Variants in NCOA1 observed in about 807,000 individuals in gnomAD.
The protein encoded by NCOA1 is Hin-2 protein.
A neutral mutation model predicts 150.9 loss-of-function variants in NCOA1; 35 were observed. The ratio of observed to expected loss-of-function variants is 0.23; its 90% CI spans 0.18 to 0.31. NCOA1 has a LOEUF of 0.31. NCOA1 is among the 10% of genes least tolerant of loss of function. NCOA1 has a pLI of 1.00. For synonymous variants in NCOA1, 590 were observed against 630.0 expected, an observed-to-expected ratio of 0.94 and a Z score of 0.95; for missense variants, 1,491 against 1,749.3, an observed-to-expected ratio of 0.85 and a Z score of 2.63.
intron 3 of NCOA1, among the ~76,000 whole-genome samples, chr2:24,623,878 A>G (rs1033926473): frequency 2.0e-5 from 3 of 152,122 alleles, no homozygotes; most frequent in Non-Finnish European, 1.5e-5. Context: ...TTACCTCCTT[A>G]CTAGCCCTGT....
At chr2:24,548,381 G>T (rs1001078503) in intron 1 of NCOA1, among the ~76,000 whole-genome samples, 1 of 152,218 alleles carries the variant, frequency 6.6e-6, no homozygotes, top group Non-Finnish European at 1.5e-5. Flanking sequence ...CTCCTACCAG[G>T]TCTTTCCCAC....
chr2:24,576,157 T>TTG (rs1489890630), intron 2 of NCOA1, among the ~76,000 whole-genome samples: 49 of 94,368 alleles, frequency 5.2e-4, no homozygotes, highest in East Asian at 1.1e-3. Context: ...TTGTTTTTTT[T>TTG]TTTTTGTTTT....
At chr2:24,739,907 T>C (rs763577708) in intron 18 of NCOA1, among the ~76,000 whole-genome samples, 1 of 152,174 alleles carries the variant, frequency 6.6e-6, no homozygotes, top group East Asian at 1.9e-4. Flanking sequence ...GTCTTAACTA[T>C]CTTGTGTACT....
intron 1 of NCOA1, among the ~76,000 whole-genome samples, chr2:24,545,959 T>G (rs1398690043): frequency 1.3e-5 from 2 of 152,134 alleles, no homozygotes; most frequent in African/African-American, 2.4e-5. Flanking sequence ...TCATCTAATT[T>G]TTGTATTTTA....
At chr2:24,625,351 C>T (rs1006390500) in intron 3 of NCOA1, among the ~76,000 whole-genome samples, 3 of 111,678 alleles carry the variant, frequency 2.7e-5, no homozygotes, top group African/African-American at 1.0e-4. Context: ...GGTGACACAG[C>T]GAGACTCTGC....
At chr2:24,753,417 G>A (rs548636516) in intron 20 of NCOA1, among the ~76,000 whole-genome samples, 1 of 150,192 alleles carries the variant, frequency 6.7e-6, no homozygotes, top group Non-Finnish European at 1.5e-5. Context: ...CTATTTCTCT[G>A]CTCCCCTTTA....
intron 5 of NCOA1, among the ~76,000 whole-genome samples, chr2:24,664,697 A>G (rs1305785471): frequency 6.6e-6 from 1 of 151,898 alleles, no homozygotes. Flanking sequence ...TCACAGCAAG[A>G]TTCCATCTCA....
intron 3 of NCOA1, among the ~76,000 whole-genome samples, chr2:24,601,433 T>C (rs939386032): frequency 3.9e-5 from 6 of 152,170 alleles, no homozygotes; most frequent in African/African-American, 1.2e-4. Flanking sequence ...CAAGCTGGTC[T>C]CGAACTCCTG....
chr2:24,621,163 T>C (rs905517272), intron 3 of NCOA1, among the ~76,000 whole-genome samples: 1 of 152,018 alleles, frequency 6.6e-6, no homozygotes, highest in Non-Finnish European at 1.5e-5. Flanking sequence ...GGGGAGGAGT[T>C]CCCTTATTCA....
rs745731491 is a variant in NCOA1 at position 24,741,986 on chromosome 2, A to G, written c.3506A>G (p.Tyr1169Cys). The change falls in exon 19 of 23, where the codon TAT becomes TGT. Residue 1169 changes from tyrosine to cysteine, a missense_variant. Transcript: ENST00000348332. ...CAGGGTGCTCCACAGCAATTCCCCTATCCACCAAACTATGGTACAAATCCA... is the reference window on the plus strand; with the variant it reads ...CAGGGTGCTCCACAGCAATTCCCCTGTCCACCAAACTATGGTACAAATCCA... ...LPQGAPQQFP[Y>C]PPNYGTNPGT... is the part of the protein sequence containing the mutation. The G allele has an allele frequency of 8.1e-6, 13 of 1,614,254 alleles. No homozygotes were observed. In the South Asian group the frequency reaches 1.2e-4, roughly 15 times the overall value.
intron 22 of NCOA1, 23 bp downstream of exon 22, chr2:24,762,799 C>T: frequency 1.3e-6 from 2 of 1,592,926 alleles, no homozygotes; most frequent in South Asian, 2.2e-5. Flanking sequence ...ATTCTAAGCC[C>T]AGAGCTGTCA....
At chr2:24,685,565 G>A (rs1023429086) in intron 8 of NCOA1, among the ~76,000 whole-genome samples, 4 of 152,178 alleles carry the variant, frequency 2.6e-5, no homozygotes, top group Non-Finnish European at 5.9e-5. Flanking sequence ...ATGGAGACAC[G>A]ATAGTGCTTA....
intron 18 of NCOA1, among the ~76,000 whole-genome samples, chr2:24,740,231 AC>A (rs1227836998): frequency 6.6e-6 from 1 of 152,216 alleles, no homozygotes; most frequent in African/African-American, 2.4e-5. Flanking sequence ...TAAAGCCAGC[AC>A]CTGTATTATT....
At chr2:24,697,245 T>C (rs1672948529) in intron 10 of NCOA1, among the ~76,000 whole-genome samples, 1 of 152,222 alleles carries the variant, frequency 6.6e-6, no homozygotes, top group Admixed American at 6.5e-5. Flanking sequence ...TTTTCTCATA[T>C]TCTCTTCACT....
chr2:24,531,137 G>A (rs1479161811), intron 1 of NCOA1, among the ~76,000 whole-genome samples: 1 of 152,178 alleles, frequency 6.6e-6, no homozygotes, highest in Non-Finnish European at 1.5e-5. Context: ...TACACTGTTG[G>A]TAGGAATGTA....
At chr2:24,503,135 A>C (rs1244989663) in intron 1 of NCOA1, among the ~76,000 whole-genome samples, 2 of 152,222 alleles carry the variant, frequency 1.3e-5, no homozygotes, top group Non-Finnish European at 2.9e-5. Flanking sequence ...GTGGGTGTGA[A>C]TGTGTGCGTG....
At chr2:24,617,325 G>A (rs565538456) in intron 3 of NCOA1, among the ~76,000 whole-genome samples, 3 of 152,174 alleles carry the variant, frequency 2.0e-5, no homozygotes, top group South Asian at 4.2e-4. Context: ...AATCCTTCTC[G>A]AAACTGAACG....
intron 2 of NCOA1, among the ~76,000 whole-genome samples, chr2:24,566,197 AGAG>A (rs1558798980): frequency 6.6e-6 from 1 of 152,224 alleles, no homozygotes; most frequent in Non-Finnish European, 1.5e-5. Context: ...AGAACACCTC[AGAG>A]GAGACTTGCA....
At chr2:24,670,426 G>A (rs934117117) in intron 6 of NCOA1, among the ~76,000 whole-genome samples, 2 of 152,098 alleles carry the variant, frequency 1.3e-5, no homozygotes, top group South Asian at 2.1e-4. Flanking sequence ...CTACCCATAC[G>A]TCCATCAGCT....
Sources: allele counts gnomAD v4.1 joint callset (sites outside exome capture counted in the v4.1 genomes callset), GRCh38; gene constraint gnomAD v4.1.1; transcripts MANE v1.5; gene names NCBI Gene and HGNC (gene_info 2026-07-23, HGNC 2026-07-21).